LAMB4: variants seen among roughly 807,000 people sequenced by gnomAD.
The protein encoded by LAMB4 is laminin subunit beta 4.
Under a neutral mutation model 199.2 loss-of-function variants are expected in LAMB4, and 196 were observed. The ratio of observed to expected loss-of-function variants is 0.98; its 90% CI spans 0.88 to 1.11. The LOEUF (loss-of-function observed/expected upper bound fraction) is 1.11. Among genes scored for constraint, LAMB4 ranks in the 50% least tolerant of loss-of-function variants. LAMB4 has a pLI of 0.00. For missense variants in LAMB4, 2,080 were observed against 2,171.2 expected (o/e 0.96, Z 0.83); for synonymous variants, 744 against 770.6 (o/e 0.97, Z 0.57).
At chr7:108,107,565 TTTAAG>T in intron 6 of LAMB4, 61 bp downstream of exon 6, 2 of 1,299,298 alleles carry the variant, frequency 1.5e-6, no homozygotes, top group Non-Finnish European at 2.1e-6. Context: ...AAGTTTTTCA[TTTAAG>T]TTAATTATAC....
chr7:108,059,651 AC>A (rs1367609854), intron 23 of LAMB4, among the ~76,000 whole-genome samples: 5 of 151,316 alleles, frequency 3.3e-5, no homozygotes, highest in Non-Finnish European at 5.9e-5. Context: ...TGGGCACAGC[AC>A]CCCCCTACTC....
At chr7:108,090,017 A>C (rs755296369) in intron 14 of LAMB4, among the ~76,000 whole-genome samples, 1 of 152,028 alleles carries the variant, frequency 6.6e-6, no homozygotes, top group Non-Finnish European at 1.5e-5. Flanking sequence ...GTCTCCCCCA[A>C]CCCCACTATC....
chr7:108,056,097 A>C (rs1355476937), intron 24 of LAMB4, 90 bp from the exon 25 acceptor site: 1 of 1,222,750 alleles, frequency 8.2e-7, no homozygotes, highest in African/African-American at 1.5e-5. Context: ...CTCTCCTGAA[A>C]ATCTTCCCAA....
chr7:108,013,605 T>A, the LAMB4 span, among the ~76,000 whole-genome samples: 1 of 152,286 alleles, frequency 6.6e-6, no homozygotes, highest in African/African-American at 2.4e-5. Flanking sequence ...AGTCACCTCA[T>A]CGTAATGAGG....
chr7:108,025,865 C>T (rs908460295), intron 33 of LAMB4, among the ~76,000 whole-genome samples: 3 of 152,192 alleles, frequency 2.0e-5, no homozygotes, highest in Non-Finnish European at 4.4e-5. Context: ...CAGACCCATT[C>T]GCCATCCTCG....
At chr7:108,127,189 GTTTT>G (rs758228106) in intron 1 of LAMB4, among the ~76,000 whole-genome samples, 42 of 69,102 alleles carry the variant, frequency 6.1e-4, no homozygotes, top group African/African-American at 1.3e-3. Context: ...TTTTTTTTGT[GTTTT>G]TTTTTTTTTT....
intron 14 of LAMB4, among the ~76,000 whole-genome samples, chr7:108,090,473 A>G (rs1419070490): frequency 6.6e-6 from 1 of 152,156 alleles, no homozygotes; most frequent in Non-Finnish European, 1.5e-5. Flanking sequence ...GGGAGTAGTA[A>G]GGGTTCATAT....
At chr7:108,029,484 C>G (rs2034955599) in intron 32 of LAMB4, among the ~76,000 whole-genome samples, 1 of 152,176 alleles carries the variant, frequency 6.6e-6, no homozygotes, top group African/African-American at 2.4e-5. Flanking sequence ...TTGTTCTGCT[C>G]TATGTTAAGG....
rs566434332 is a variant in LAMB4 at position 108,053,033 on chromosome 7, T to C, written c.3756-776A>G. ...TTTTGTAACTCTCCCCTCTAATCTA[T>C]AGACTCTTCCTTCAGGCTCCAATTG... On this transcript the variant is annotated intron_variant, in intron 25 of 33. Coordinates refer to ENST00000388781, the MANE Select transcript of LAMB4 (RefSeq NM_007356.3). Among the ~76,000 whole-genome samples, 49 of 152,322 alleles carry C rather than the reference T, an allele frequency of 3.2e-4. 1 individual carries two copies. Among genetic ancestry groups the C allele is most frequent in the African/African-American group, 1.2e-3 (48 of 41,562 alleles).
chr7:108,114,730 T>G (rs1363149287), intron 3 of LAMB4, among the ~76,000 whole-genome samples: 1 of 152,182 alleles, frequency 6.6e-6, no homozygotes, highest in Non-Finnish European at 1.5e-5. Context: ...CCACTAACAT[T>G]AGGCTTATGT....
intron 28 of LAMB4, among the ~76,000 whole-genome samples, chr7:108,045,507 C>A (rs987676032): frequency 6.6e-6 from 1 of 152,192 alleles, no homozygotes; most frequent in Non-Finnish European, 1.5e-5. Context: ...GCTGATTAAA[C>A]TAGCTTCTGC....
the LAMB4 span, among the ~76,000 whole-genome samples, chr7:108,014,046 G>A: frequency 6.6e-6 from 1 of 152,138 alleles, no homozygotes; most frequent in East Asian, 1.9e-4. Flanking sequence ...AATATTAAAA[G>A]ATAGCTGTTT....
intron 33 of LAMB4, among the ~76,000 whole-genome samples, chr7:108,025,390 T>TTCTTTCTTTCTTTC (rs1563024601): frequency 1.8e-5 from 1 of 56,724 alleles, no homozygotes; most frequent in African/African-American, 1.8e-4. Flanking sequence ...TTTCTTTTCT[T>TTCTTTCTTTCTTTC]TTCTTTCTTT....
rs2034937875 is a variant in LAMB4, at chr7:108,029,057, A to G, written c.5132T>C (p.Ile1711Thr). Residue 1711 changes from isoleucine (I) to threonine (T), a missense_variant, in exon 33 of 34, where the codon ATA (isoleucine) becomes ACA (threonine). Physicochemically the swap from Ile to Thr is moderately conservative, Grantham distance 89. Coordinates refer to ENST00000388781, the MANE Select transcript of LAMB4 (RefSeq NM_007356.3). ...EKLAGDTEAK[I>T]RRITDLERKI... ...AGAACAGATACCTGTTATTCTTCTT[A>G]TCTTGGCCTCTGTATCTCCAGCCAA... 1 of 1,613,724 alleles carries G rather than the reference A, an allele frequency of 6.2e-7. No individual in the cohort carries two copies. The highest frequency in any genetic ancestry group is 1.1e-5 in the South Asian group (1 of 90,942).
rs546805851 is a variant in LAMB4, at chr7:108,119,535, C to G, written c.35-3374G>C. Among the ~76,000 whole-genome samples the G allele has an allele frequency of 8.5e-4, 130 of 152,300 alleles. 1 individual carries two copies. The highest frequency in any genetic ancestry group is 1.4e-3 in the Non-Finnish European group (93 of 68,036). ...AAAAAAGGTTATGTACTGCATAATT[C>G]TATTTGTATCACATTACTGAATGAC... On this transcript the variant is annotated intron_variant, in intron 2 of 33. Transcript: ENST00000388781.
intron 3 of LAMB4, among the ~76,000 whole-genome samples, chr7:108,112,818 T>C (rs2038279113): frequency 6.6e-6 from 1 of 152,226 alleles, no homozygotes; most frequent in African/African-American, 2.4e-5. Flanking sequence ...TATAACCTTC[T>C]GTGCTGGAAA....
chr7:108,068,128 T>C lies in LAMB4; in HGVS notation c.2334A>G (p.Gly778=). ...ACKCHPQGSV[G]SSCSRLGGQC... ...GGCCTCCAAGTCGGCTGCAGCTGGA[T>C]CCGACTGAGCCCTGGGGGTGACACT... Residue 778 remains glycine (G), a synonymous_variant, in exon 19 of 34, where the codon GGA becomes GGG. Transcript: ENST00000388781. The C allele has an allele frequency of 4.3e-6, 7 of 1,614,088 alleles. No homozygotes were observed. Among genetic ancestry groups the C allele is most frequent in the Non-Finnish European group, 5.9e-6 (7 of 1,180,006 alleles).
intron 18 of LAMB4, among the ~76,000 whole-genome samples, chr7:108,068,807 C>T (rs1372964771): frequency 6.6e-6 from 1 of 152,266 alleles, no homozygotes; most frequent in South Asian, 2.1e-4. Flanking sequence ...GATTTTCATG[C>T]CTCAGCCTCC....
chr7:108,088,965 A>G (rs1357626258), intron 14 of LAMB4, among the ~76,000 whole-genome samples: 2 of 152,206 alleles, frequency 1.3e-5, no homozygotes, highest in Admixed American at 6.5e-5. Flanking sequence ...ATCTCTGAGG[A>G]ACATCTGAAC....
Sources: allele counts gnomAD v4.1 joint callset (sites outside exome capture counted in the v4.1 genomes callset), GRCh38; gene constraint gnomAD v4.1.1; transcripts MANE v1.5; gene names NCBI Gene and HGNC (gene_info 2026-07-23, HGNC 2026-07-21).